Variants in MSR1 observed in about 807,000 individuals in gnomAD.
MSR1 encodes the protein macrophage scavenger receptor types I and II.
A neutral mutation model predicts 47.2 loss-of-function variants in MSR1; 53 were observed. That is an observed-to-expected ratio of 1.12 (90% CI 0.90 to 1.41). MSR1 has a LOEUF of 1.41. MSR1 is among the 40% of genes most tolerant of loss of function. The pLI is 0.00. For synonymous variants in MSR1, 239 were observed against 185.6 expected (o/e 1.29, Z -2.34); for missense variants, 786 against 546.9 (o/e 1.44, Z -4.36).
At chr8:16,126,089 C>A (rs552432034) in intron 8 of MSR1, among the ~76,000 whole-genome samples, 1 of 152,068 alleles carries the variant, frequency 6.6e-6, no homozygotes, top group African/African-American at 2.4e-5. Context: ...AAGAAGGAAA[C>A]AACACATTCA....
intron 3 of MSR1, among the ~76,000 whole-genome samples, chr8:16,174,908 G>C (rs1310317753): frequency 6.6e-6 from 1 of 152,046 alleles, no homozygotes; most frequent in African/African-American, 2.4e-5. Flanking sequence ...ATATATTTTT[G>C]AAAGAGCGTC....
chr8:16,149,247 T>C (rs1194851364), intron 7 of MSR1, among the ~76,000 whole-genome samples: 1 of 152,136 alleles, frequency 6.6e-6, no homozygotes, highest in Non-Finnish European at 1.5e-5. Flanking sequence ...ATGCAAGATG[T>C]TAATAGTAGA....
chr8:16,116,360 G>C (rs1245626276), intron 9 of MSR1, among the ~76,000 whole-genome samples: 1 of 152,026 alleles, frequency 6.6e-6, no homozygotes, highest in East Asian at 1.9e-4. Flanking sequence ...TTTCCAGTTT[G>C]CTTCACTAGA....
At chr8:16,118,072 A>G (rs893749733) in intron 9 of MSR1, among the ~76,000 whole-genome samples, 4 of 152,170 alleles carry the variant, frequency 2.6e-5, no homozygotes, top group African/African-American at 9.6e-5. Flanking sequence ...TCTGCATAAT[A>G]TAAGCATCAA....
rs35121724 is a variant in MSR1 at position 16,167,602 on chromosome 8, T to C, written c.630+856A>G. Among the ~76,000 whole-genome samples the C allele has an allele frequency of 5.5e-3, 844 of 152,252 alleles. 26 individuals are homozygous for C. The East Asian group carries it at 0.097, about 18-fold the overall frequency. On this transcript the variant is annotated intron_variant, in intron 4 of 9. Transcript: ENST00000262101. ...ATTCCATGGTCTCTGCAGGATTTAA[T>C]GCACTGCCAGAATCAAATGTATCCT...
chr8:16,166,486 C>G (rs1187748409), intron 4 of MSR1, among the ~76,000 whole-genome samples: 1 of 151,934 alleles, frequency 6.6e-6, no homozygotes, highest in Non-Finnish European at 1.5e-5. Context: ...TTATTCCCTT[C>G]TTTGAAAACT....
intron 8 of MSR1, among the ~76,000 whole-genome samples, chr8:16,138,452 A>G (rs930150098): frequency 3.9e-5 from 6 of 152,178 alleles, no homozygotes; most frequent in Non-Finnish European, 8.8e-5. Flanking sequence ...TTGTGCCAAT[A>G]ATTTGAACAG....
chr8:16,140,880 C>A, intron 8 of MSR1: 2 of 1,603,604 alleles, frequency 1.2e-6, no homozygotes, highest in Middle Eastern at 1.7e-4. Context: ...ACACGGGAAC[C>A]AAAGTCATTT....
chr8:16,134,232 G>C (rs1184524540), intron 8 of MSR1, among the ~76,000 whole-genome samples: 5 of 151,986 alleles, frequency 3.3e-5, no homozygotes, highest in Admixed American at 3.3e-4. Flanking sequence ...TCTGATAGGG[G>C]CTCTTTTTAA....
chr8:16,164,356 G>C, intron 4 of MSR1, 105 bp from the exon 5 acceptor site: 1 of 840,146 alleles, frequency 1.2e-6, no homozygotes, highest in African/African-American at 1.7e-5. Context: ...ACATATTATG[G>C]GAGTTTTATG....
At chr8:16,143,506 A>G (rs537976118) in intron 8 of MSR1, 52 bp downstream of exon 8, 11 of 1,518,308 alleles carry the variant, frequency 7.2e-6, no homozygotes, top group Non-Finnish European at 1.0e-5. Context: ...CTAGTATCAC[A>G]GACTTACTTA....
intron 8 of MSR1, among the ~76,000 whole-genome samples, chr8:16,122,651 T>A (rs1800030213): frequency 6.6e-6 from 1 of 152,030 alleles, no homozygotes; most frequent in South Asian, 2.1e-4. Context: ...GGGACCACAC[T>A]TTGAGAACCA....
chr8:16,153,598 T>C (rs73665226), intron 6 of MSR1, among the ~76,000 whole-genome samples: 6,103 of 151,970 alleles, frequency 0.04, 434 homozygotes, highest in African/African-American at 0.14. Context: ...TTTGCAATGG[T>C]GTCTATTTAT....
intron 8 of MSR1, chr8:16,140,845 G>A (rs1800537355): frequency 6.4e-7 from 1 of 1,572,262 alleles, no homozygotes; most frequent in Non-Finnish European, 8.6e-7. Flanking sequence ...GACCAGGAGA[G>A]AAGGCCATGT....
At chr8:16,182,561 T>G (rs998412200) in intron 1 of MSR1, among the ~76,000 whole-genome samples, 1 of 90,494 alleles carries the variant, frequency 1.1e-5, no homozygotes, top group Non-Finnish European at 2.0e-5. Context: ...TATTTTAACT[T>G]TTTTTTTTTT....
intron 9 of MSR1, among the ~76,000 whole-genome samples, chr8:16,117,091 G>T (rs1251807058): frequency 1.3e-5 from 2 of 152,242 alleles, no homozygotes; most frequent in Admixed American, 1.3e-4. Context: ...AGTGTCCATG[G>T]CCTGTTAGAA....
At chr8:16,110,345 C>G in intron 9 of MSR1, 127 bp from the exon 10 acceptor site, 1 of 1,043,094 alleles carries the variant, frequency 9.6e-7, no homozygotes, top group Non-Finnish European at 1.5e-6. Flanking sequence ...TATGCAAGTT[C>G]TGTGCTCTCT....
At chr8:16,176,173 G>C (rs1397451970) in intron 2 of MSR1, among the ~76,000 whole-genome samples, 1 of 152,100 alleles carries the variant, frequency 6.6e-6, no homozygotes, top group African/African-American at 2.4e-5. Flanking sequence ...TTTATTTTAA[G>C]GTATTGAAAA....
intron 8 of MSR1, among the ~76,000 whole-genome samples, chr8:16,127,257 G>A (rs1435133306): frequency 1.3e-5 from 2 of 152,108 alleles, no homozygotes; most frequent in African/African-American, 4.8e-5. Flanking sequence ...TCATTCTGAT[G>A]TTCACCATAT....
Sources: gnomAD v4.1 joint callset for allele counts (sites outside exome capture counted in the v4.1 genomes callset) on GRCh38, gnomAD v4.1.1 for gene constraint, MANE v1.5 for transcripts, NCBI Gene and HGNC (gene_info 2026-07-23, HGNC 2026-07-21) for gene names.